The following TENM4 variants were observed in gnomAD, a reference collection of about 807,000 sequenced individuals.
TENM4 encodes teneurin-4.
Under a neutral mutation model 243.3 loss-of-function variants are expected in TENM4, and 82 were observed. The observed-to-expected ratio is 0.34, with a 90% CI of 0.28 to 0.40. TENM4 has a LOEUF of 0.40. Ranked by LOEUF, TENM4 falls within the 10% of genes least tolerant of loss-of-function variation. TENM4 has a pLI of 1.00. For synonymous variants in TENM4, 1,412 were observed against 1,456.3 expected (o/e 0.97, Z 0.69); for missense variants, 3,138 against 3,673.3 (o/e 0.85, Z 3.77).
chr11:78,874,796 T>C (rs567815015), intron 9 of TENM4, among the ~76,000 whole-genome samples: 3 of 152,264 alleles, frequency 2.0e-5, no homozygotes, highest in African/African-American at 7.2e-5. Flanking sequence ...TGGTAAAATT[T>C]GAGACAATGT....
chr11:79,298,445 G>A (rs1246120347), intron 1 of TENM4, among the ~76,000 whole-genome samples: 2 of 149,180 alleles, frequency 1.3e-5, no homozygotes, highest in East Asian at 3.9e-4. Flanking sequence ...AACCCGGGAA[G>A]CGGAGCTTGC....
At chr11:78,891,421 T>A (rs529101820) in intron 7 of TENM4, 85 bp from the exon 8 acceptor site, 1 of 1,257,598 alleles carries the variant, frequency 8.0e-7, no homozygotes, top group South Asian at 1.3e-5. Flanking sequence ...AGTGGCTGTT[T>A]GGTGCAGCTG....
chr11:79,209,510 A>C (rs540500824), intron 3 of TENM4, among the ~76,000 whole-genome samples: 1 of 152,294 alleles, frequency 6.6e-6, no homozygotes, highest in South Asian at 2.1e-4. Flanking sequence ...AAGCCTATTC[A>C]TGTGTTCAGT....
intron 1 of TENM4, among the ~76,000 whole-genome samples, chr11:79,341,061 C>A (rs1052634174): frequency 2.6e-5 from 4 of 152,000 alleles, no homozygotes; most frequent in African/African-American, 9.7e-5. Flanking sequence ...TGGGGAGAGA[C>A]CACACACCAC....
intron 3 of TENM4, among the ~76,000 whole-genome samples, chr11:79,189,947 G>A (rs77497266): frequency 0.074 from 11,325 of 152,272 alleles, 964 homozygotes; most frequent in East Asian, 0.41. Context: ...TTCAGAGGCA[G>A]TCACCTGTAG....
In TENM4 at chr11:79,018,609, C is replaced by T. The variant is rs147862439; in HGVS notation, c.493+46129G>A. Among the ~76,000 whole-genome samples the T allele has an allele frequency of 8.0e-3, 1,223 of 152,188 alleles. 5 individuals are homozygous for T. The highest frequency in any genetic ancestry group is 0.013 in the Non-Finnish European group (853 of 68,018). ...AAACAATGTGTGCTTATCTCTGTCT[C>T]GGTAGGAAAGAGTGGTCAGAGAGAG... On this transcript the variant is annotated intron_variant, in intron 6 of 33. Transcript: ENST00000278550.
chr11:78,913,626 TGTGA>T (rs1356407125), intron 6 of TENM4, among the ~76,000 whole-genome samples: 1,898 of 132,998 alleles, frequency 0.014, 54 homozygotes, highest in African/African-American at 0.05. Flanking sequence ...TGTGTGTGTG[TGTGA>T]GTGTCGGGGG....
chr11:78,800,479 A>G (rs992611405), intron 15 of TENM4, among the ~76,000 whole-genome samples: 1 of 152,032 alleles, frequency 6.6e-6, no homozygotes, highest in Non-Finnish European at 1.5e-5. Flanking sequence ...GTGGGAGGGA[A>G]GGGGTTTATG....
chr11:79,251,537 C>T (rs924546441), intron 2 of TENM4, among the ~76,000 whole-genome samples: 2 of 152,154 alleles, frequency 1.3e-5, no homozygotes, highest in Non-Finnish European at 2.9e-5. Context: ...ACTTTTATCA[C>T]CTTGAATGCA....
At chr11:79,015,391 A>C (rs1858746597) in intron 6 of TENM4, among the ~76,000 whole-genome samples, 1 of 152,176 alleles carries the variant, frequency 6.6e-6, no homozygotes, top group South Asian at 2.1e-4. Flanking sequence ...GGAATGCTAG[A>C]GGCCACCTCT....
chr11:78,732,694 T>A, intron 20 of TENM4, 117 bp from the exon 21 acceptor site: 1 of 1,224,584 alleles, frequency 8.2e-7, no homozygotes, highest in South Asian at 1.9e-5. Context: ...CAGCATTTCT[T>A]GAGGGAGGCT....
At chr11:79,172,434 T>C (rs965278951) in intron 3 of TENM4, among the ~76,000 whole-genome samples, 8 of 152,144 alleles carry the variant, frequency 5.3e-5, no homozygotes, top group Non-Finnish European at 1.2e-4. Flanking sequence ...TTTACCCCTA[T>C]CCATTCAGTT....
chr11:79,111,926 T>G (rs1861517585), intron 4 of TENM4, among the ~76,000 whole-genome samples: 1 of 152,022 alleles, frequency 6.6e-6, no homozygotes, highest in African/African-American at 2.4e-5. Context: ...GAAAAGCACT[T>G]CAGGCAGAGG....
At chr11:78,934,337 C>T (rs1856737580) in intron 6 of TENM4, among the ~76,000 whole-genome samples, 1 of 152,204 alleles carries the variant, frequency 6.6e-6, no homozygotes, top group Non-Finnish European at 1.5e-5. Flanking sequence ...AACACAAACC[C>T]TCAGCAAGAT....
chr11:79,321,391 T>C (rs1856886077), intron 1 of TENM4, among the ~76,000 whole-genome samples: 1 of 152,194 alleles, frequency 6.6e-6, no homozygotes, highest in Non-Finnish European at 1.5e-5. Context: ...CCTCAGAGCA[T>C]GATCTCATTT....
intron 1 of TENM4, among the ~76,000 whole-genome samples, chr11:79,331,857 G>A (rs1857067103): frequency 6.6e-6 from 1 of 152,176 alleles, no homozygotes; most frequent in Non-Finnish European, 1.5e-5. Context: ...CCATGTAATG[G>A]CTCTAGTTCC....
intron 22 of TENM4, among the ~76,000 whole-genome samples, chr11:78,728,213 A>G (rs1855568490): frequency 6.6e-6 from 1 of 152,188 alleles, no homozygotes; most frequent in South Asian, 2.1e-4. Flanking sequence ...CTTCTTTGGT[A>G]GGATTGTATG....
chr11:79,077,881 A>G (rs1443063352), intron 4 of TENM4, among the ~76,000 whole-genome samples: 2 of 152,216 alleles, frequency 1.3e-5, no homozygotes, highest in Non-Finnish European at 2.9e-5. Context: ...CCCTGCAGCT[A>G]GTTTTCAGAG....
At chr11:78,676,041 T>G in intron 30 of TENM4, 111 bp downstream of exon 30, 1 of 1,069,414 alleles carries the variant, frequency 9.4e-7, no homozygotes, top group South Asian at 1.9e-5. Context: ...AGTTCTCCCC[T>G]TTTGCAGATG....
Sources: allele counts gnomAD v4.1 joint callset (sites outside exome capture counted in the v4.1 genomes callset), GRCh38; gene constraint gnomAD v4.1.1; transcripts MANE v1.5; gene names NCBI Gene and HGNC (gene_info 2026-07-23, HGNC 2026-07-21).